Variants in ZNF407 observed in about 807,000 individuals in gnomAD.
ZNF407 encodes zinc finger protein 407.
ZNF407 carries 17 observed loss-of-function variants against 131.2 expected under a neutral mutation model. The ratio of observed to expected loss-of-function variants is 0.13; its 90% CI spans 0.09 to 0.19. The LOEUF (loss-of-function observed/expected upper bound fraction) is 0.19, where lower values mean the gene tolerates loss of function less well. ZNF407 is among the 10% of genes least tolerant of loss of function. The pLI is 1.00. For synonymous variants in ZNF407, 1,156 were observed against 1,062.0 expected (o/e 1.09, Z -1.72); for missense variants, 2,681 against 2,830.6 (o/e 0.95, Z 1.20).
chr18:75,054,095 T>C (rs949327986), intron 8 of ZNF407, among the ~76,000 whole-genome samples: 6 of 152,210 alleles, frequency 3.9e-5, no homozygotes, highest in Non-Finnish European at 8.8e-5. Flanking sequence ...ACCAACTCCG[T>C]TGGAAAGAGC....
At position 74,754,867 on chromosome 18, in the gene ZNF407, G is replaced by A. The variant is rs1192277363; in HGVS notation, c.4803-26561G>A. 7.2e-5 allele frequency among the ~76,000 whole-genome samples: 11 copies of A among 152,108 alleles called. No individual in the cohort carries two copies. The East Asian group carries it at 1.3e-3, about 19-fold the overall frequency. On this transcript the variant is annotated intron_variant, in intron 3 of 8. Transcript: ENST00000299687. ...AGTTCTGTAGATGTCTATTAGATCCGCTTGGTGCAGAGCTGAGTTCAATCC... is the reference window on the plus strand; with the variant it reads ...AGTTCTGTAGATGTCTATTAGATCCACTTGGTGCAGAGCTGAGTTCAATCC...
At chr18:75,023,175 G>C (rs759039753) in intron 8 of ZNF407, among the ~76,000 whole-genome samples, 11 of 152,116 alleles carry the variant, frequency 7.2e-5, no homozygotes, top group Non-Finnish European at 1.5e-4. Flanking sequence ...GCTGGGGTCT[G>C]AAGTAGGGGG....
intron 4 of ZNF407, among the ~76,000 whole-genome samples, chr18:74,804,977 C>CGTA (rs1970086874): frequency 6.6e-6 from 1 of 152,144 alleles, no homozygotes; most frequent in Non-Finnish European, 1.5e-5. Flanking sequence ...ATTCAGCTAC[C>CGTA]GTTGTTTCAG....
intron 4 of ZNF407, chr18:74,804,517 C>A: frequency 1.0e-6 from 1 of 987,826 alleles, no homozygotes; most frequent in South Asian, 4.7e-5. Flanking sequence ...CACTCAGATG[C>A]AAAAATACCA....
At chr18:74,931,365 G>C (rs1233551556) in intron 8 of ZNF407, among the ~76,000 whole-genome samples, 1 of 152,030 alleles carries the variant, frequency 6.6e-6, no homozygotes. Flanking sequence ...CAAGAGCAAG[G>C]CAAATAACCT....
chr18:75,013,858 A>G (rs1410329291), intron 8 of ZNF407, among the ~76,000 whole-genome samples: 1 of 152,134 alleles, frequency 6.6e-6, no homozygotes, highest in Admixed American at 6.6e-5. Flanking sequence ...TTCTAGAATT[A>G]CAAATAAATG....
rs181592777 is a variant in ZNF407 at position 74,882,508 on chromosome 18, T to C, written c.5128+1389T>C. ...GTTGTATTTAACAGTTAGGTACAGG[T>C]AGCTTCTGTGCCCAATATGGCATTT... On this transcript the variant is annotated intron_variant, in intron 6 of 8. Coordinates refer to ENST00000299687, the MANE Select transcript of ZNF407 (RefSeq NM_017757.3). Among the ~76,000 whole-genome samples the C allele has an allele frequency of 7.4e-4, 113 of 152,332 alleles. 2 individuals carry two copies. Among genetic ancestry groups the C allele is most frequent in the African/African-American group, 2.6e-3 (109 of 41,568 alleles).
chr18:75,049,128 T>C (rs1385526724), intron 8 of ZNF407, among the ~76,000 whole-genome samples: 5 of 151,146 alleles, frequency 3.3e-5, no homozygotes, highest in African/African-American at 1.2e-4. Flanking sequence ...GAGTTGTTCG[T>C]CATGATCTCA....
At chr18:74,682,890 CT>C (rs1263852996) in intron 3 of ZNF407, among the ~76,000 whole-genome samples, 2 of 152,078 alleles carry the variant, frequency 1.3e-5, no homozygotes, top group Non-Finnish European at 2.9e-5. Flanking sequence ...TGTGTGCATG[CT>C]TGTGGTGTGC....
At chr18:74,843,072 T>C (rs1970656231) in intron 4 of ZNF407, among the ~76,000 whole-genome samples, 1 of 152,174 alleles carries the variant, frequency 6.6e-6, no homozygotes, top group Admixed American at 6.5e-5. Context: ...AGTATGTTTC[T>C]CACATCTATC....
At chr18:74,887,309 A>G (rs891586707) in intron 6 of ZNF407, among the ~76,000 whole-genome samples, 1 of 152,128 alleles carries the variant, frequency 6.6e-6, no homozygotes, top group African/African-American at 2.4e-5. Flanking sequence ...GAGGTTTAGA[A>G]ACTGAGAACA....
intron 3 of ZNF407, among the ~76,000 whole-genome samples, chr18:74,725,814 C>A (rs1414017941): frequency 6.6e-6 from 1 of 152,036 alleles, no homozygotes; most frequent in African/African-American, 2.4e-5. Context: ...ATATATTAAG[C>A]AATACTTGTT....
At chr18:74,843,060 T>C (rs1240504403) in intron 4 of ZNF407, among the ~76,000 whole-genome samples, 1 of 152,164 alleles carries the variant, frequency 6.6e-6, no homozygotes, top group Admixed American at 6.5e-5. Flanking sequence ...TCTATAGATA[T>C]AAGTATGTTT....
intron 8 of ZNF407, among the ~76,000 whole-genome samples, chr18:74,965,383 A>G (rs1019784773): frequency 5.9e-5 from 9 of 152,062 alleles, no homozygotes; most frequent in Non-Finnish European, 1.3e-4. Context: ...TTTAGATCCC[A>G]CAAATAAATG....
intron 6 of ZNF407, among the ~76,000 whole-genome samples, chr18:74,885,433 C>T (rs1229461551): frequency 6.6e-6 from 1 of 152,094 alleles, no homozygotes; most frequent in Non-Finnish European, 1.5e-5. Context: ...TCGTTCACAT[C>T]GATCAATCCA....
chr18:74,935,531 C>A (rs984167325), intron 8 of ZNF407, among the ~76,000 whole-genome samples: 1 of 152,162 alleles, frequency 6.6e-6, no homozygotes, highest in Admixed American at 6.5e-5. Flanking sequence ...GTAATCAATT[C>A]TTTCAGCTTG....
At chr18:74,842,419 C>A (rs2145133244) in intron 4 of ZNF407, among the ~76,000 whole-genome samples, 1 of 152,172 alleles carries the variant, frequency 6.6e-6, no homozygotes, top group Admixed American at 6.5e-5. Context: ...TTTTTAAATT[C>A]CTACTACTGT....
intron 3 of ZNF407, among the ~76,000 whole-genome samples, chr18:74,749,235 A>G (rs1286917465): frequency 6.6e-6 from 1 of 152,162 alleles, no homozygotes. Context: ...ATATGAGAGC[A>G]TCGCGTGTAC....
At position 75,063,588 on chromosome 18, in the gene ZNF407, C is replaced by T; in HGVS notation, c.5867C>T (p.Ser1956Phe). 6.4e-7 allele frequency: 1 copy of T among 1,569,934 alleles called. No individual in the cohort carries two copies. The highest frequency in any genetic ancestry group is 2.4e-5 in the East Asian group (1 of 42,246). The change falls in exon 9 of 9, where the codon TCC becomes TTC. Residue 1956 changes from serine (S) to phenylalanine (F), a missense_variant. This residue lies in a region of ZNF407 where 620 missense variants were observed against 583.1 expected (regional missense o/e 1.06). Transcript: ENST00000299687. The surrounding 1 kb of genome is among the most constrained non-coding windows in gnomAD (Gnocchi z 6.6). ...GSMEGHGMDE[S>F]LSPGGAVIQQ... ...ATGGAAGGCCACGGCATGGATGAGT[C>T]CCTCAGTCCAGGTGGCGCTGTGATA...
Sources: gnomAD v4.1 joint callset for allele counts (sites outside exome capture counted in the v4.1 genomes callset) on GRCh38, gnomAD v4.1.1 for gene constraint, gnomAD v4.1.1 regional missense constraint, Gnocchi (gnomAD v3.1) non-coding constraint, MANE v1.5 for transcripts, NCBI Gene and HGNC (gene_info 2026-07-23, HGNC 2026-07-21) for gene names.